GRID1: variants seen among roughly 807,000 people sequenced by gnomAD.
GRID1 encodes the protein glutamate ionotropic receptor delta type subunit 1, also known as glutamate receptor ionotropic, delta-1.
GRID1 carries 28 observed loss-of-function variants against 98.0 expected under a neutral mutation model. That is an observed-to-expected ratio of 0.29 (90% CI 0.21 to 0.39). GRID1 has a LOEUF of 0.39. GRID1 is among the 10% of genes least tolerant of loss of function. GRID1 has a pLI of 1.00. For missense variants in GRID1, 1,111 were observed against 1,340.5 expected (o/e 0.83, Z 2.67); for synonymous variants, 553 against 538.5 (o/e 1.03, Z -0.37).
chr10:85,767,533 AC>A (rs1392017767), intron 8 of GRID1, among the ~76,000 whole-genome samples: 1 of 152,250 alleles, frequency 6.6e-6, no homozygotes, highest in Non-Finnish European at 1.5e-5. Context: ...ATAGACAAAT[AC>A]GACCTGAAAG....
intron 12 of GRID1, among the ~76,000 whole-genome samples, chr10:85,685,155 A>T (rs943073161): frequency 1.3e-5 from 2 of 152,250 alleles, no homozygotes; most frequent in African/African-American, 4.8e-5. Context: ...TTCGCAAATG[A>T]TATGACTGTG....
intron 6 of GRID1, among the ~76,000 whole-genome samples, chr10:85,863,885 G>A (rs1358393027): frequency 1.3e-5 from 2 of 152,208 alleles, no homozygotes; most frequent in African/African-American, 2.4e-5. Context: ...TTGTGCATCC[G>A]CATTATCAAG....
At position 85,716,421 on chromosome 10, in the gene GRID1, G is replaced by A. The variant is rs550870626; in HGVS notation, c.1997+6582C>T. 5.3e-5 allele frequency among the ~76,000 whole-genome samples: 8 copies of A among 152,148 alleles called. No homozygotes were observed. The East Asian group carries it at 1.2e-3, about 22-fold the overall frequency. On this transcript the variant is annotated intron_variant, in intron 12 of 15. Transcript: ENST00000327946. ...CACCGGGGACTGTTGTGGGGTGGGC[G>A]GAGGCGGGAGGGATAGCATTGGGAG...
intron 4 of GRID1, among the ~76,000 whole-genome samples, chr10:86,074,375 G>A (rs1269843032): frequency 3.9e-5 from 6 of 152,084 alleles, no homozygotes; most frequent in Admixed American, 6.6e-5. Flanking sequence ...CTACCGCCAC[G>A]TGTTCAAATG....
intron 12 of GRID1, among the ~76,000 whole-genome samples, chr10:85,649,405 T>C (rs926509369): frequency 6.6e-6 from 1 of 152,182 alleles, no homozygotes; most frequent in African/African-American, 2.4e-5. Flanking sequence ...TTATATCTAA[T>C]TGAAGCAAGA....
chr10:85,931,289 T>G (rs1404946939), intron 4 of GRID1, among the ~76,000 whole-genome samples: 3 of 152,150 alleles, frequency 2.0e-5, no homozygotes, highest in Non-Finnish European at 4.4e-5. Context: ...GTTCTTTTCA[T>G]CTACTTTGAG....
chr10:85,684,834 T>C (rs886909470), intron 12 of GRID1, among the ~76,000 whole-genome samples: 2 of 152,210 alleles, frequency 1.3e-5, no homozygotes, highest in African/African-American at 2.4e-5. Context: ...AGGTTCACTT[T>C]TGGCTTGCAG....
At chr10:85,994,438 C>T (rs1842716953) in intron 4 of GRID1, among the ~76,000 whole-genome samples, 1 of 152,186 alleles carries the variant, frequency 6.6e-6, no homozygotes, top group Admixed American at 6.5e-5. Flanking sequence ...AATCCTAGCA[C>T]CCGACATCTC....
intron 4 of GRID1, among the ~76,000 whole-genome samples, chr10:86,050,899 A>G (rs1246412487): frequency 2.6e-5 from 4 of 151,508 alleles, no homozygotes; most frequent in Non-Finnish European, 5.9e-5. Context: ...AAAAGTTAAA[A>G]AAAAAAAAAA....
chr10:85,783,006 G>A (rs573659391), intron 8 of GRID1, among the ~76,000 whole-genome samples: 4 of 152,266 alleles, frequency 2.6e-5, no homozygotes, highest in African/African-American at 9.6e-5. Flanking sequence ...ATCTCTCCAC[G>A]TCTCCAACAG....
chr10:85,858,276 G>T (rs1843132735), intron 6 of GRID1, among the ~76,000 whole-genome samples: 1 of 152,168 alleles, frequency 6.6e-6, no homozygotes. Flanking sequence ...TAAAGCAAGA[G>T]CCTTGAGCTG....
chr10:85,809,055 T>G (rs1161440969), intron 8 of GRID1, among the ~76,000 whole-genome samples: 1 of 151,952 alleles, frequency 6.6e-6, no homozygotes, highest in Non-Finnish European at 1.5e-5. Flanking sequence ...CCACAAAAAA[T>G]TATAAATACA....
At chr10:85,645,240 C>G (rs1160897924) in intron 13 of GRID1, among the ~76,000 whole-genome samples, 1 of 151,776 alleles carries the variant, frequency 6.6e-6, no homozygotes, top group African/African-American at 2.4e-5. Context: ...TTGGCTCTCT[C>G]TGAGAGTCAA....
chr10:85,678,456 A>G (rs1178406356), intron 12 of GRID1, among the ~76,000 whole-genome samples: 1 of 152,132 alleles, frequency 6.6e-6, no homozygotes, highest in Non-Finnish European at 1.5e-5. Context: ...GAAATTGTTA[A>G]CTGGGAAGAG....
At chr10:86,165,837 G>A (rs1168519209) in intron 3 of GRID1, among the ~76,000 whole-genome samples, 1 of 152,140 alleles carries the variant, frequency 6.6e-6, no homozygotes, top group Non-Finnish European at 1.5e-5. Flanking sequence ...GGCAGGAACC[G>A]ACATTCAGCA....
intron 5 of GRID1, among the ~76,000 whole-genome samples, chr10:85,914,325 T>G (rs1841581147): frequency 6.6e-6 from 1 of 152,090 alleles, no homozygotes; most frequent in South Asian, 2.1e-4. Context: ...GGAGGATTCA[T>G]CAAAAAAGTA....
At chr10:85,791,360 T>C (rs187269500) in intron 8 of GRID1, among the ~76,000 whole-genome samples, 1 of 152,366 alleles carries the variant, frequency 6.6e-6, no homozygotes, top group Non-Finnish European at 1.5e-5. Context: ...AGAAGAATTT[T>C]CTGAAAGTTC....
chr10:86,348,099 C>T (rs1848413033), intron 2 of GRID1, among the ~76,000 whole-genome samples: 1 of 152,218 alleles, frequency 6.6e-6, no homozygotes, highest in African/African-American at 2.4e-5. Context: ...GCACTGTGAG[C>T]TCTCTGGGAC....
At chr10:86,151,650 G>A (rs1051769958) in intron 3 of GRID1, among the ~76,000 whole-genome samples, 5 of 152,202 alleles carry the variant, frequency 3.3e-5, no homozygotes, top group African/African-American at 1.2e-4. Flanking sequence ...ATCACTCTGA[G>A]TAAAGCCCAT....
Sources: allele counts gnomAD v4.1 joint callset (sites outside exome capture counted in the v4.1 genomes callset), GRCh38; gene constraint gnomAD v4.1.1; transcripts MANE v1.5; gene names NCBI Gene and HGNC (gene_info 2026-07-23, HGNC 2026-07-21).